RBFOX1: variants seen among roughly 807,000 people sequenced by gnomAD.
RBFOX1 encodes the protein RNA binding fox-1 homolog 1.
Under a neutral mutation model 57.7 loss-of-function variants are expected in RBFOX1, and 8 were observed. The observed-to-expected ratio is 0.14, with a 90% CI of 0.08 to 0.25. The LOEUF (loss-of-function observed/expected upper bound fraction) is 0.25, where lower values mean the gene tolerates loss of function less well. RBFOX1 is among the 10% of genes least tolerant of loss of function. RBFOX1 has a pLI of 1.00. For synonymous variants in RBFOX1, 326 were observed against 222.4 expected (o/e 1.47, Z -4.15); for missense variants, 611 against 548.5 (o/e 1.11, Z -1.14).
At chr16:7,517,985 C>G (rs974001812) in intron 4 of RBFOX1, among the ~76,000 whole-genome samples, 162 bp from the exon 5 acceptor site, 1 of 152,050 alleles carries the variant, frequency 6.6e-6, no homozygotes, top group Non-Finnish European at 1.5e-5. Flanking sequence ...CTTATAGGGT[C>G]TGGTGAAGAT....
chr16:5,431,600 C>T (rs2151513606), intron 1 of RBFOX1, among the ~76,000 whole-genome samples: 1 of 152,206 alleles, frequency 6.6e-6, no homozygotes, highest in African/African-American at 2.4e-5. Flanking sequence ...GTCTCGAACT[C>T]CTGACCTTGT....
intron 3 of RBFOX1, among the ~76,000 whole-genome samples, chr16:6,862,720 C>G (rs562086346): frequency 2.6e-5 from 4 of 152,178 alleles, no homozygotes; most frequent in Admixed American, 2.6e-4. Context: ...GTCTGTGGCT[C>G]ACACCTGTAA....
chr16:6,617,310 A>C (rs748351173), intron 2 of RBFOX1, among the ~76,000 whole-genome samples: 1 of 152,056 alleles, frequency 6.6e-6, no homozygotes, highest in Non-Finnish European at 1.5e-5. Context: ...TTGGAGGTCT[A>C]CAAAGCCTCA....
At chr16:6,987,873 A>C (rs2090640849) in intron 3 of RBFOX1, among the ~76,000 whole-genome samples, 1 of 152,194 alleles carries the variant, frequency 6.6e-6, no homozygotes, top group African/African-American at 2.4e-5. Context: ...CAAAGCAGCC[A>C]CATTTTATCC....
At chr16:7,039,180 A>G (rs914918211) in intron 3 of RBFOX1, among the ~76,000 whole-genome samples, 7 of 152,222 alleles carry the variant, frequency 4.6e-5, no homozygotes, top group Admixed American at 1.3e-4. Flanking sequence ...ACTCTTAGCC[A>G]TAAATTAAAT....
At chr16:6,171,917 G>T (rs2096963336) in intron 1 of RBFOX1, among the ~76,000 whole-genome samples, 2 of 152,022 alleles carry the variant, frequency 1.3e-5, no homozygotes, top group African/African-American at 2.4e-5. Context: ...TGCCTCCTGG[G>T]TTCAAGTGAT....
chr16:6,637,437 A>ATATGTATT (rs1296296759), intron 2 of RBFOX1, among the ~76,000 whole-genome samples: 457 of 14,520 alleles, frequency 0.031, 34 homozygotes, highest in Non-Finnish European at 0.06. Flanking sequence ...ATATTATATA[A>ATATGTATT]ATATATGTAA....
At chr16:5,404,626 A>C (rs1251403127) in intron 1 of RBFOX1, among the ~76,000 whole-genome samples, 3 of 152,160 alleles carry the variant, frequency 2.0e-5, no homozygotes, top group East Asian at 3.9e-4. Context: ...GTTAGCTCTG[A>C]GTTCATCACA....
chr16:7,578,126 A>T (rs1298587234), intron 5 of RBFOX1, among the ~76,000 whole-genome samples: 3 of 152,210 alleles, frequency 2.0e-5, no homozygotes, highest in Non-Finnish European at 4.4e-5. Context: ...TATTTAAAAA[A>T]CTTGCCATCA....
chr16:6,808,598 TG>T (rs1353172106), intron 3 of RBFOX1, among the ~76,000 whole-genome samples: 1 of 152,124 alleles, frequency 6.6e-6, no homozygotes, highest in African/African-American at 2.4e-5. Flanking sequence ...CTCAGGGTGT[TG>T]GTAGTTGTTA....
chr16:6,941,808 C>G (rs2078571670), intron 3 of RBFOX1, among the ~76,000 whole-genome samples: 1 of 152,096 alleles, frequency 6.6e-6, no homozygotes, highest in African/African-American at 2.4e-5. Context: ...GAGGACCTAA[C>G]AAATAAGAAT....
chr16:7,100,966 A>T (rs1372878158), intron 4 of RBFOX1, among the ~76,000 whole-genome samples: 4 of 152,192 alleles, frequency 2.6e-5, no homozygotes, highest in Non-Finnish European at 4.4e-5. Context: ...TAGCCTCATC[A>T]AGGATTATTT....
chr16:6,721,267 A>G (rs1328659405), intron 3 of RBFOX1, among the ~76,000 whole-genome samples: 1 of 152,088 alleles, frequency 6.6e-6, no homozygotes, highest in Non-Finnish European at 1.5e-5. Flanking sequence ...ACATGGTAAA[A>G]CCCTGTCTGT....
At chr16:5,641,175 C>T (rs1427608444) in intron 3 of RBFOX1, among the ~76,000 whole-genome samples, 1 of 150,628 alleles carries the variant, frequency 6.6e-6, no homozygotes. Context: ...ACATGCACAC[C>T]ATGGATACAC....
At chr16:5,981,358 T>A (rs955640635) in intron 4 of RBFOX1, among the ~76,000 whole-genome samples, 1 of 152,210 alleles carries the variant, frequency 6.6e-6, no homozygotes, top group Non-Finnish European at 1.5e-5. Context: ...GGTGATGCTC[T>A]GGAATCTGTA....
intron 1 of RBFOX1, among the ~76,000 whole-genome samples, chr16:6,298,862 T>C (rs1399119822): frequency 6.6e-6 from 1 of 152,188 alleles, no homozygotes; most frequent in Non-Finnish European, 1.5e-5. Flanking sequence ...AAATTTGGAA[T>C]TATAGCCTAT....
chr16:7,385,849 G>A (rs2097865712), intron 4 of RBFOX1, among the ~76,000 whole-genome samples: 1 of 152,106 alleles, frequency 6.6e-6, no homozygotes. Flanking sequence ...CGCCTCCTGG[G>A]TTCAAGCAGT....
At chr16:7,370,638 C>T (rs913608109) in intron 4 of RBFOX1, among the ~76,000 whole-genome samples, 1 of 152,192 alleles carries the variant, frequency 6.6e-6, no homozygotes, top group South Asian at 2.1e-4. Flanking sequence ...TTAGCACATC[C>T]TAGGCATGGG....
intron 3 of RBFOX1, among the ~76,000 whole-genome samples, chr16:6,889,256 C>A (rs1299527342): frequency 6.6e-6 from 1 of 152,164 alleles, no homozygotes; most frequent in Non-Finnish European, 1.5e-5. Flanking sequence ...CATTCTTGCC[C>A]CCGTTAGCCC....
Sources: gnomAD v4.1 joint callset for allele counts (sites outside exome capture counted in the v4.1 genomes callset) on GRCh38, gnomAD v4.1.1 for gene constraint, MANE v1.5 for transcripts, NCBI Gene and HGNC (gene_info 2026-07-23, HGNC 2026-07-21) for gene names.